UMODL1: variants seen among roughly 807,000 people sequenced by gnomAD.
UMODL1 encodes uromodulin-like 1.
In UMODL1, 128 loss-of-function variants were observed where a neutral mutation model predicts 136.3. That is an observed-to-expected ratio of 0.94 (90% CI 0.81 to 1.09). The LOEUF (loss-of-function observed/expected upper bound fraction) is 1.09, where lower values mean the gene tolerates loss of function less well. UMODL1 is among the 50% of genes least tolerant of loss of function. The pLI is 0.00. For missense variants in UMODL1, 1,766 were observed against 1,725.6 expected (o/e 1.02, Z -0.41); for synonymous variants, 721 against 720.0 (o/e 1.00, Z -0.02).
intron 2 of UMODL1, 127 bp downstream of exon 2, chr21:42,076,374 T>C (rs2066291887): frequency 1.0e-5 from 15 of 1,455,734 alleles, no homozygotes; most frequent in Non-Finnish European, 1.4e-5. Flanking sequence ...CTCCCAGCCT[T>C]GACCAGGCAG....
chr21:42,127,130 G>T lies in UMODL1; in HGVS notation c.3418G>T (p.Glu1140Ter). 8 of 1,614,144 alleles carry T rather than the reference G, an allele frequency of 5.0e-6. No individual in the cohort carries two copies. The highest frequency in any genetic ancestry group is 6.8e-6 in the Non-Finnish European group (8 of 1,180,042). The change falls in exon 19 of 23, where the codon GAA becomes TAA. Residue 1140 changes from glutamate to a stop codon, truncating the protein, a stop_gained. Transcript: ENST00000408910. LOFTEE classifies it high-confidence loss of function. Reference sequence around the variant, plus strand: ...GTCTGCCAGTGACGATGTCAGGATCGAAGTGGGGCTCTACAGGCAGAAAAG... The same window carrying T: ...GTCTGCCAGTGACGATGTCAGGATCTAAGTGGGGCTCTACAGGCAGAAAAG... Reference protein sequence around the residue: ...SVSASDDVRIEVGLYRQKSNL... With the variant: ...SVSASDDVRI
chr21:42,127,756 T>C lies in UMODL1; in HGVS notation c.3615T>C (p.Phe1205=). 9.9e-6 allele frequency: 16 copies of C among 1,614,222 alleles called. No individual in the cohort carries two copies. Among genetic ancestry groups the C allele is most frequent in the Non-Finnish European group, 1.4e-5 (16 of 1,180,038 alleles). ...KAQFKLRIFS[F]INDSIVYLHC... is the part of the protein sequence containing the mutation. ...AGTTCAAGCTGAGGATCTTTTCCTT[T>C]ATCAACGACTCCATCGTCTACCTGC... is the stretch of plus-strand genomic sequence containing the variant. The change falls in exon 20 of 23, where the codon TTT becomes TTC. Residue 1205 remains phenylalanine, a synonymous_variant. Transcript: ENST00000408910.
intron 17 of UMODL1, among the ~76,000 whole-genome samples, chr21:42,124,865 A>G (rs1221458432): frequency 6.6e-6 from 1 of 152,042 alleles, no homozygotes; most frequent in Non-Finnish European, 1.5e-5. Flanking sequence ...TACATGCATG[A>G]TGATGTTTAG....
chr21:42,127,809 C>T lies in UMODL1; in HGVS notation c.3668C>T (p.Ser1223Phe). ...TGCAAACTCCGCGTCTGCATGGAAT[C>T]CCCCGGAGCCACGTGCAAAATCGTA... ...LHCKLRVCME[S>F]PGATCKINCN... The change falls in exon 20 of 23, where the codon TCC (serine) becomes TTC (phenylalanine). Residue 1223 changes from serine to phenylalanine, a missense_variant. Ser to Phe is a radical substitution (Grantham distance 155). Coordinates refer to ENST00000408910, the MANE Select transcript of UMODL1 (RefSeq NM_001004416.3). 6.2e-7 allele frequency: 1 copy of T among 1,611,986 alleles called. No homozygotes were observed. The highest frequency in any genetic ancestry group is 8.5e-7 in the Non-Finnish European group (1 of 1,179,478).
chr21:42,121,640 C>T (rs1171531930), intron 16 of UMODL1, among the ~76,000 whole-genome samples: 3 of 152,224 alleles, frequency 2.0e-5, no homozygotes, highest in South Asian at 2.1e-4. Flanking sequence ...TCCTGCTAAA[C>T]GGGGTCTTAG....
chr21:42,126,619 T>C (rs2123363523), intron 18 of UMODL1, 129 bp downstream of exon 18: 1 of 1,409,386 alleles, frequency 7.1e-7, no homozygotes, highest in Non-Finnish European at 9.6e-7. Flanking sequence ...GGGTGTGGCC[T>C]GGCTGCTCCC....
At chr21:42,088,787 G>T (rs768787714) in intron 5 of UMODL1, among the ~76,000 whole-genome samples, 2 of 151,352 alleles carry the variant, frequency 1.3e-5, no homozygotes, top group African/African-American at 2.4e-5. Flanking sequence ...CCCTCGGCAG[G>T]CTTCTCCTTC....
intron 4 of UMODL1, among the ~76,000 whole-genome samples, chr21:42,087,645 C>T (rs1212112066): frequency 6.6e-6 from 1 of 152,216 alleles, no homozygotes; most frequent in Non-Finnish European, 1.5e-5. Flanking sequence ...TTGTCAGCTG[C>T]AAGAGACCTG....
chr21:42,082,102 G>A (rs1401284387), intron 2 of UMODL1, among the ~76,000 whole-genome samples: 2 of 152,208 alleles, frequency 1.3e-5, no homozygotes, highest in Admixed American at 1.3e-4. Flanking sequence ...CAGCAAGGCC[G>A]GGCGCCAGGC....
At chr21:42,075,246 G>GGC (rs370520173) in intron 1 of UMODL1, among the ~76,000 whole-genome samples, 8 of 151,934 alleles carry the variant, frequency 5.3e-5, no homozygotes, top group African/African-American at 1.9e-4. Flanking sequence ...GGAGATGGGG[G>GGC]GGGGGTTTCA....
intron 21 of UMODL1, among the ~76,000 whole-genome samples, chr21:42,132,526 T>C (rs1000093824): frequency 2.0e-5 from 3 of 151,540 alleles, no homozygotes; most frequent in African/African-American, 2.4e-5. Flanking sequence ...ATCCCTTCAT[T>C]CATCCATCCA....
At chr21:42,091,146 T>C (rs2066487628) in intron 6 of UMODL1, among the ~76,000 whole-genome samples, 1 of 152,230 alleles carries the variant, frequency 6.6e-6, no homozygotes, top group Non-Finnish European at 1.5e-5. Context: ...TAGGAAATGT[T>C]GATTTAGGTG....
At position 42,110,853 on chromosome 21, in the gene UMODL1, G is replaced by T. The variant is rs574302553; in HGVS notation, c.1658-27G>T. On this transcript the variant is annotated intron_variant, in intron 10 of 22. Coordinates refer to ENST00000408910, the MANE Select transcript of UMODL1 (RefSeq NM_001004416.3). ...CTTACTCGTGGGTGGGATCCAGCAG[G>T]CTCTGACAGTGGATGTGTCTTGGCA... 11 of 1,572,234 alleles carry T rather than the reference G, an allele frequency of 7.0e-6. No individual in the cohort carries two copies. In the South Asian group the frequency reaches 1.3e-4, roughly 19 times the overall value.
intron 19 of UMODL1, 30 bp downstream of exon 19, chr21:42,127,272 C>G: frequency 6.3e-7 from 1 of 1,576,754 alleles, no homozygotes; most frequent in Non-Finnish European, 8.7e-7. Flanking sequence ...GCACCCCCAT[C>G]CAGCAATGCC....
chr21:42,124,920 C>T (rs220155), intron 17 of UMODL1, among the ~76,000 whole-genome samples: 66,605 of 152,028 alleles, frequency 0.44, 14,720 homozygotes, highest in Middle Eastern at 0.56. Context: ...CCACGCTCTG[C>T]GGCTGAGCCC....
chr21:42,073,996 GC>G (rs1205051903), intron 1 of UMODL1, among the ~76,000 whole-genome samples: 1 of 152,196 alleles, frequency 6.6e-6, no homozygotes, highest in South Asian at 2.1e-4. Context: ...CCTGCTAGGT[GC>G]CACGGGGGAG....
chr21:42,071,650 C>G (rs1013482172), intron 1 of UMODL1, among the ~76,000 whole-genome samples: 3 of 151,952 alleles, frequency 2.0e-5, no homozygotes, highest in Non-Finnish European at 2.9e-5. Context: ...CCTGGGCGTT[C>G]GTGGGGGTAA....
In UMODL1 at chr21:42,085,499, G is replaced by T. The variant is rs1487803978; in HGVS notation, c.603+87G>T. ...GGTATGGGGCCGTGGAAGGGACCTG[G>T]GGGTTGGGGAGGGTGATGTTCCCCA... On this transcript the variant is annotated intron_variant, in intron 4 of 22. Transcript: ENST00000408910. The surrounding 1 kb of genome is among the most constrained non-coding windows in gnomAD (Gnocchi z 4.5). 3.8e-6 allele frequency: 6 copies of T among 1,594,180 alleles called. No individual in the cohort carries two copies. The highest frequency in any genetic ancestry group is 5.1e-6 in the Non-Finnish European group (6 of 1,170,350).
chr21:42,107,944 G>T (rs2066745677), intron 9 of UMODL1, among the ~76,000 whole-genome samples: 1 of 152,204 alleles, frequency 6.6e-6, no homozygotes, highest in African/African-American at 2.4e-5. Flanking sequence ...TCCTGCCCTG[G>T]GCTCTCGCTG....
Sources: gnomAD v4.1 joint callset for allele counts (sites outside exome capture counted in the v4.1 genomes callset) on GRCh38, gnomAD v4.1.1 for gene constraint, Gnocchi (gnomAD v3.1) non-coding constraint, MANE v1.5 for transcripts, NCBI Gene and HGNC (gene_info 2026-07-23, HGNC 2026-07-21) for gene names.